Variants in KHDRBS2 observed in about 807,000 individuals in gnomAD.
The protein encoded by KHDRBS2 is KH RNA binding domain containing, signal transduction associated 2, also known as KH domain-containing, RNA-binding, signal transduction-associated protein 2.
In KHDRBS2, 26 loss-of-function variants were observed where a neutral mutation model predicts 44.3. The ratio of observed to expected loss-of-function variants is 0.59; its 90% CI spans 0.43 to 0.81. The LOEUF (loss-of-function observed/expected upper bound fraction) is 0.81. Ranked by LOEUF, KHDRBS2 falls within the 40% of genes least tolerant of loss-of-function variation. The pLI is 0.00. For missense variants in KHDRBS2, 476 were observed against 433.1 expected, an observed-to-expected ratio of 1.10 and a Z score of -0.88; for synonymous variants, 194 against 151.1, an observed-to-expected ratio of 1.28 and a Z score of -2.08.
chr6:62,157,268 A>G (rs1224762709), intron 2 of KHDRBS2, among the ~76,000 whole-genome samples: 1 of 151,790 alleles, frequency 6.6e-6, no homozygotes, highest in East Asian at 2.0e-4. Context: ...GGTTGCAGTC[A>G]GTGAGCCAAG....
intron 6 of KHDRBS2, among the ~76,000 whole-genome samples, chr6:61,891,423 G>A (rs1211699756): frequency 6.6e-6 from 1 of 152,020 alleles, no homozygotes; most frequent in East Asian, 1.9e-4. Context: ...GCCAGGCTTT[G>A]GTATCAGGAT....
chr6:61,882,193 A>G (rs949564535), intron 6 of KHDRBS2, among the ~76,000 whole-genome samples: 12 of 152,022 alleles, frequency 7.9e-5, no homozygotes, highest in Non-Finnish European at 2.9e-5. Flanking sequence ...GTAGATGTTG[A>G]GAAGAAGAAA....
intron 6 of KHDRBS2, among the ~76,000 whole-genome samples, chr6:61,785,121 G>C (rs1320265678): frequency 6.6e-6 from 1 of 151,654 alleles, no homozygotes; most frequent in Middle Eastern, 3.2e-3. Flanking sequence ...CTATACTCCA[G>C]CCTGGGCGAG....
chr6:62,113,500 G>C (rs1302170800), intron 2 of KHDRBS2, among the ~76,000 whole-genome samples: 1 of 152,010 alleles, frequency 6.6e-6, no homozygotes, highest in Admixed American at 6.6e-5. Context: ...GCTTTGTTTT[G>C]ATCTAAACTC....
At chr6:62,232,086 G>GA (rs1199280389) in intron 1 of KHDRBS2, among the ~76,000 whole-genome samples, 1 of 152,048 alleles carries the variant, frequency 6.6e-6, no homozygotes, top group African/African-American at 2.4e-5. Flanking sequence ...TTTTAGTCAT[G>GA]AAAAAATAAG....
At chr6:62,001,950 T>C (rs1320481697) in intron 3 of KHDRBS2, among the ~76,000 whole-genome samples, 2 of 152,158 alleles carry the variant, frequency 1.3e-5, no homozygotes, top group Non-Finnish European at 1.5e-5. Context: ...AAGAAGCAAG[T>C]GAACTTGCAA....
chr6:61,956,755 T>C (rs1444263400), intron 4 of KHDRBS2, among the ~76,000 whole-genome samples: 1 of 152,214 alleles, frequency 6.6e-6, no homozygotes, highest in Admixed American at 6.5e-5. Flanking sequence ...CCAAGCTATG[T>C]GACCCAGACC....
At chr6:62,075,144 C>A (rs1251426516) in intron 2 of KHDRBS2, among the ~76,000 whole-genome samples, 2 of 151,818 alleles carry the variant, frequency 1.3e-5, no homozygotes, top group African/African-American at 2.4e-5. Flanking sequence ...TGTGTCCTCC[C>A]AAAATTCATA....
chr6:61,804,014 C>T lies in KHDRBS2; in HGVS notation c.811-71250G>A, dbSNP rs187889426. Reference sequence around the variant, plus strand: ...CCCAAATCTCATCTTCCTCACATTTCCAAATACAATTATGCCTTCCCAATA... The same window carrying T: ...CCCAAATCTCATCTTCCTCACATTTTCAAATACAATTATGCCTTCCCAATA... On this transcript the variant is annotated intron_variant, in intron 6 of 8. Coordinates refer to ENST00000281156, the MANE Select transcript of KHDRBS2 (RefSeq NM_152688.4). Among the ~76,000 whole-genome samples, 4 of 152,176 alleles carry T rather than the reference C, an allele frequency of 2.6e-5. No individual in the cohort carries two copies. The East Asian group carries it at 7.7e-4, about 29-fold the overall frequency.
chr6:61,900,636 C>CA (rs1803803124), intron 5 of KHDRBS2, among the ~76,000 whole-genome samples: 1 of 152,126 alleles, frequency 6.6e-6, no homozygotes, highest in South Asian at 2.1e-4. Flanking sequence ...TACAAATACC[C>CA]TCTGAACTTT....
chr6:61,645,261 A>G, the KHDRBS2 span, among the ~76,000 whole-genome samples: 5 of 152,116 alleles, frequency 3.3e-5, no homozygotes, highest in African/African-American at 4.8e-5. Context: ...TAGCTAAATA[A>G]TGAGAACATA....
chr6:62,082,409 T>C (rs1263270675), intron 2 of KHDRBS2, among the ~76,000 whole-genome samples: 1 of 151,910 alleles, frequency 6.6e-6, no homozygotes, highest in Non-Finnish European at 1.5e-5. Context: ...GATAAAGTGG[T>C]TTCTTTTTGT....
At chr6:61,649,757 T>C in the KHDRBS2 span, among the ~76,000 whole-genome samples, 1 of 152,130 alleles carries the variant, frequency 6.6e-6, no homozygotes, top group Non-Finnish European at 1.5e-5. Context: ...CTCTAGTTAT[T>C]GATAGCTACA....
At chr6:62,132,890 G>C (rs1375712417) in intron 2 of KHDRBS2, among the ~76,000 whole-genome samples, 1 of 152,024 alleles carries the variant, frequency 6.6e-6, no homozygotes, top group Non-Finnish European at 1.5e-5. Flanking sequence ...GATCAACATG[G>C]CTTGCTTTGA....
At chr6:61,904,543 T>G (rs1205610009) in intron 4 of KHDRBS2, among the ~76,000 whole-genome samples, 1 of 152,224 alleles carries the variant, frequency 6.6e-6, no homozygotes, top group African/African-American at 2.4e-5. Context: ...TCAGTTGCTG[T>G]GCTCTAAAAT....
In KHDRBS2 at chr6:62,286,036, G is replaced by C. The variant is rs1402254343; in HGVS notation, c.-88C>G. 1 of 778,028 alleles carries C rather than the reference G, an allele frequency of 1.3e-6. No homozygotes were observed. Among genetic ancestry groups the C allele is most frequent in the Non-Finnish European group, 2.2e-6 (1 of 453,660 alleles). 48.2% of individuals were successfully genotyped at this position (778,028 alleles called of 1,614,324 possible). The stretch of plus-strand genomic sequence containing the variant: ...GGTCTTGGGGCAGCGCCTGGCTCCC[G>C]CGCTGCTCCTCCTCCGCGCGGCGAG... On this transcript the variant is annotated 5_prime_UTR_variant, in exon 1 of 9. Coordinates refer to ENST00000281156, the MANE Select transcript of KHDRBS2 (RefSeq NM_152688.4).
chr6:62,223,505 T>C (rs1188217933), intron 1 of KHDRBS2, among the ~76,000 whole-genome samples: 1 of 152,210 alleles, frequency 6.6e-6, no homozygotes, highest in Non-Finnish European at 1.5e-5. Context: ...TGGCTCCTTG[T>C]TACTTATGCA....
intron 8 of KHDRBS2, among the ~76,000 whole-genome samples, chr6:61,690,676 C>T (rs562749626): frequency 6.6e-6 from 1 of 151,960 alleles, no homozygotes; most frequent in Non-Finnish European, 1.5e-5. Flanking sequence ...ATATCAGGTT[C>T]TCTAACAAAC....
chr6:62,242,214 A>G (rs1211846508), intron 1 of KHDRBS2, among the ~76,000 whole-genome samples: 3 of 152,196 alleles, frequency 2.0e-5, no homozygotes, highest in Non-Finnish European at 4.4e-5. Context: ...CATGTCAGCC[A>G]TTCTGCAGGA....
Sources: gnomAD v4.1 joint callset for allele counts (sites outside exome capture counted in the v4.1 genomes callset) on GRCh38, gnomAD v4.1.1 for gene constraint, MANE v1.5 for transcripts, NCBI Gene and HGNC (gene_info 2026-07-23, HGNC 2026-07-21) for gene names.